The following DTX1 variants were observed in gnomAD, a reference collection of about 807,000 sequenced individuals.
DTX1 encodes the protein E3 ubiquitin-protein ligase DTX1.
Under a neutral mutation model 57.8 loss-of-function variants are expected in DTX1, and 26 were observed. The ratio of observed to expected loss-of-function variants is 0.45; its 90% CI spans 0.33 to 0.62. The LOEUF (loss-of-function observed/expected upper bound fraction) is 0.62. Ranked by LOEUF, DTX1 falls within the 20% of genes least tolerant of loss-of-function variation. DTX1 has a pLI of 0.02. For missense variants in DTX1, 704 were observed against 895.3 expected (o/e 0.79, Z 2.73); for synonymous variants, 398 against 394.1 (o/e 1.01, Z -0.12).
intron 2 of DTX1, among the ~76,000 whole-genome samples, chr12:113,071,576 C>T (rs1239268335): frequency 6.6e-6 from 1 of 152,252 alleles, no homozygotes. Context: ...GCCTCTTTCC[C>T]AGGCTGAAGA....
At chr12:113,087,891 T>C (rs1164125346) in intron 3 of DTX1, among the ~76,000 whole-genome samples, 1 of 152,078 alleles carries the variant, frequency 6.6e-6, no homozygotes, top group Non-Finnish European at 1.5e-5. Flanking sequence ...GGGTCAGTTG[T>C]CAGTGTTTCG....
In DTX1 at chr12:113,096,833, T is replaced by C; in HGVS notation, c.1757T>C (p.Phe586Ser). 6.2e-7 allele frequency: 1 copy of C among 1,613,922 alleles called. No individual in the cohort carries two copies. The highest frequency in any genetic ancestry group is 8.5e-7 in the Non-Finnish European group (1 of 1,180,016). ...VWNEIHHKTE[F>S]GSNLTGHGYP... ...AACGAGATCCACCACAAGACCGAGT[T>C]TGGATCCAACCTCACGGGCCACGGC... is the stretch of plus-strand genomic sequence containing the variant. The change falls in exon 10 of 10, where the codon TTT becomes TCT. Residue 586 changes from phenylalanine to serine, a missense_variant. Physicochemically the swap from Phe to Ser is radical, Grantham distance 155 (BLOSUM62 -2). Transcript: ENST00000548759.
At position 113,096,954 on chromosome 12, in the gene DTX1, C is replaced by T. The variant is rs746597229; in HGVS notation, c.*15C>T. On this transcript the variant is annotated 3_prime_UTR_variant, in exon 10 of 10. Transcript: ENST00000548759. ...CCAAGGCTTGAGGCCCAAGGCTGCC[C>T]ACCTTCCCTCCTGCTTTGCCCCTGG... 26 of 1,600,418 alleles carry T rather than the reference C, an allele frequency of 1.6e-5. No homozygotes were observed. Among genetic ancestry groups the T allele is most frequent in the Non-Finnish European group, 2.2e-5 (26 of 1,175,024 alleles).
At chr12:113,090,284 T>C (rs1364116922) in intron 3 of DTX1, among the ~76,000 whole-genome samples, 1 of 152,100 alleles carries the variant, frequency 6.6e-6, no homozygotes. Context: ...TGCATTCCTA[T>C]AAAAGTATAG....
intron 9 of DTX1, 125 bp downstream of exon 9, chr12:113,095,539 C>A: frequency 1.6e-6 from 2 of 1,247,066 alleles, no homozygotes; most frequent in Non-Finnish European, 1.1e-6. Context: ...AAAGCAGCAC[C>A]CGAACAGTAA....
chr12:113,063,861 C>T (rs905894065), intron 2 of DTX1, among the ~76,000 whole-genome samples: 4 of 152,202 alleles, frequency 2.6e-5, no homozygotes, highest in African/African-American at 9.6e-5. Context: ...GGGGAAAACA[C>T]CTCCAGAATT....
At chr12:113,068,297 G>T (rs1295595997) in intron 2 of DTX1, among the ~76,000 whole-genome samples, 1 of 152,216 alleles carries the variant, frequency 6.6e-6, no homozygotes, top group Non-Finnish European at 1.5e-5. Flanking sequence ...TGGAGGGGCT[G>T]CCAGGCCCGA....
intron 2 of DTX1, among the ~76,000 whole-genome samples, chr12:113,064,428 C>A (rs991962671): frequency 1.3e-5 from 2 of 152,210 alleles, no homozygotes; most frequent in Non-Finnish European, 2.9e-5. Context: ...GTACCAGGTC[C>A]TGGGCTGGGT....
At chr12:113,086,604 A>G (rs1231705190) in intron 3 of DTX1, among the ~76,000 whole-genome samples, 2 of 152,222 alleles carry the variant, frequency 1.3e-5, no homozygotes, top group East Asian at 1.9e-4. Flanking sequence ...GCCAAGGGCA[A>G]AGGGACTTTG....
intron 3 of DTX1, among the ~76,000 whole-genome samples, chr12:113,091,127 A>G (rs1732793): frequency 0.85 from 128,659 of 152,128 alleles, 54,613 homozygotes; most frequent in African/African-American, 0.92. Flanking sequence ...GGGCGGCAGT[A>G]GCAGGTGCGG....
chr12:113,086,929 C>A (rs181578992), intron 3 of DTX1, among the ~76,000 whole-genome samples: 21 of 151,590 alleles, frequency 1.4e-4, no homozygotes, highest in African/African-American at 4.6e-4. Flanking sequence ...CCCTGCCCCC[C>A]ACCTGAAGCA....
intron 3 of DTX1, among the ~76,000 whole-genome samples, chr12:113,083,315 C>T (rs1228947965): frequency 2.0e-5 from 3 of 152,184 alleles, no homozygotes; most frequent in African/African-American, 7.2e-5. Flanking sequence ...GTGTGTCTCT[C>T]CTTTTATAAT....
intron 2 of DTX1, among the ~76,000 whole-genome samples, chr12:113,065,589 A>C (rs976635802): frequency 6.6e-6 from 1 of 151,846 alleles, no homozygotes; most frequent in African/African-American, 2.4e-5. Flanking sequence ...CTTCCAAAGG[A>C]GCTGCGGAGT....
chr12:113,079,515 C>CTTTTTTTTTTTTTTT (rs3038193), intron 3 of DTX1, among the ~76,000 whole-genome samples: 2 of 77,174 alleles, frequency 2.6e-5, no homozygotes, highest in African/African-American at 1.2e-4. Flanking sequence ...GGCCACTTCT[C>CTTTTTTTTTTTTTTT]TTTTTTTTTT....
intron 2 of DTX1, among the ~76,000 whole-genome samples, chr12:113,066,097 A>T (rs2136425298): frequency 6.6e-6 from 1 of 151,760 alleles, no homozygotes; most frequent in African/African-American, 2.4e-5. Context: ...TGACACAGAC[A>T]CCCCCAGCAG....
At chr12:113,063,727 C>T (rs962068026) in intron 2 of DTX1, among the ~76,000 whole-genome samples, 6 of 152,246 alleles carry the variant, frequency 3.9e-5, no homozygotes, top group African/African-American at 1.4e-4. Flanking sequence ...TGCCTCCTTC[C>T]CTGGAAACCT....
Position 113,093,569 on chromosome 12 carries a change from G to T in DTX1, c.1034G>T (p.Gly345Val), listed in dbSNP as rs1950262785. The part of the protein sequence containing the change: ...GMTGILLCAA[G>V]LPVCLTRAPK... ...ACCGGGATACTGCTGTGCGCGGCCG[G>T]GCTGCCCGTGTGCCTGACGCGGGCC... is the stretch of plus-strand genomic sequence containing the variant. Residue 345 changes from glycine (G) to valine (V), a missense_variant, in exon 5 of 10, where the codon GGG becomes GTG. Transcript: ENST00000548759. This position sits in a 1 kb window ranked among gnomAD's most constrained non-coding sequence, Gnocchi z 4.2. The T allele has an allele frequency of 6.2e-7, 1 of 1,610,146 alleles. No homozygotes were observed.
chr12:113,065,478 C>A (rs1008127378), intron 2 of DTX1, among the ~76,000 whole-genome samples: 5 of 152,106 alleles, frequency 3.3e-5, no homozygotes, highest in Non-Finnish European at 7.4e-5. Flanking sequence ...CGGGACAGAC[C>A]CCCTCGCAGC....
Position 113,077,586 on chromosome 12 carries a change from A to G in DTX1, c.422A>G (p.Asp141Gly). The G allele has an allele frequency of 6.2e-7, 1 of 1,613,230 alleles. No individual in the cohort carries two copies. Among genetic ancestry groups the G allele is most frequent in the South Asian group, 1.1e-5 (1 of 91,078 alleles). Residue 141 changes from aspartate to glycine, a missense_variant, in exon 3 of 10, where the codon GAC becomes GGC. Physicochemically the swap from Asp to Gly is moderately conservative, Grantham distance 94. Transcript: ENST00000548759. This position sits in a 1 kb window ranked among gnomAD's most constrained non-coding sequence, Gnocchi z 7.8. The stretch of plus-strand genomic sequence containing the variant: ...TACGAGAAGCAGCACCCGTGGCTCG[A>G]CCTCTCATCGCTAGGCTTCTGCTAC... ...NAYEKQHPWL[D>G]LSSLGFCYLI... is the part of the protein sequence containing the mutation.
Sources: allele counts gnomAD v4.1 joint callset (sites outside exome capture counted in the v4.1 genomes callset), GRCh38; gene constraint gnomAD v4.1.1; non-coding constraint Gnocchi (gnomAD v3.1); transcripts MANE v1.5; gene names NCBI Gene and HGNC (gene_info 2026-07-23, HGNC 2026-07-21).